KANSL1L: variants seen among roughly 807,000 people sequenced by gnomAD.
The protein encoded by KANSL1L is KAT8 regulatory NSL complex subunit 1 like, also known as KAT8 regulatory NSL complex subunit 1-like protein.
In KANSL1L, 25 loss-of-function variants were observed where a neutral mutation model predicts 108.6. The ratio of observed to expected loss-of-function variants is 0.23; its 90% confidence interval spans 0.17 to 0.32. The LOEUF (loss-of-function observed/expected upper bound fraction) is 0.32. Among genes scored for constraint, KANSL1L ranks in the 10% least tolerant of loss-of-function variants. KANSL1L has a pLI of 1.00. For synonymous variants in KANSL1L, 405 were observed against 395.1 expected (o/e 1.03, Z -0.30); for missense variants, 1,137 against 1,125.7 (o/e 1.01, Z -0.14).
chr2:210,159,464 C>G (rs1327435074), intron 1 of KANSL1L, among the ~76,000 whole-genome samples: 1 of 152,130 alleles, frequency 6.6e-6, no homozygotes, highest in African/African-American at 2.4e-5. Flanking sequence ...ACTATTGCCA[C>G]CTGACATTAT....
chr2:210,132,105 A>C (rs1320103965), intron 2 of KANSL1L, among the ~76,000 whole-genome samples: 1 of 152,182 alleles, frequency 6.6e-6, no homozygotes, highest in African/African-American at 2.4e-5. Flanking sequence ...CTTCCTAGAA[A>C]ACATGTTTTT....
chr2:210,071,355 C>T (rs1020038121), intron 6 of KANSL1L, among the ~76,000 whole-genome samples: 8 of 151,798 alleles, frequency 5.3e-5, no homozygotes, highest in African/African-American at 1.2e-4. Context: ...GCAACCTCCG[C>T]GTCTCAGGTT....
intron 2 of KANSL1L, among the ~76,000 whole-genome samples, chr2:210,134,010 G>T (rs1043445004): frequency 1.3e-5 from 2 of 151,902 alleles, no homozygotes; most frequent in Admixed American, 6.6e-5. Context: ...ATGTCATTTT[G>T]TCTCTGTTTT....
At chr2:210,097,604 TATTA>T (rs1330384489) in intron 5 of KANSL1L, among the ~76,000 whole-genome samples, 1 of 152,080 alleles carries the variant, frequency 6.6e-6, no homozygotes, top group Non-Finnish European at 1.5e-5. Flanking sequence ...TTATAGGAGT[TATTA>T]ATTATAGTAA....
At chr2:210,154,791 G>T (rs1178930876) in intron 1 of KANSL1L, among the ~76,000 whole-genome samples, 180 bp from the exon 2 acceptor site, 1 of 151,912 alleles carries the variant, frequency 6.6e-6, no homozygotes, top group African/African-American at 2.4e-5. Context: ...CCTCTGACTG[G>T]GGGCCTAATA....
At chr2:210,161,915 T>C (rs986866968) in intron 1 of KANSL1L, among the ~76,000 whole-genome samples, 1 of 151,662 alleles carries the variant, frequency 6.6e-6, no homozygotes, top group Non-Finnish European at 1.5e-5. Flanking sequence ...GGTACAAAGA[T>C]GGTGTATATA....
intron 1 of KANSL1L, among the ~76,000 whole-genome samples, chr2:210,167,646 C>G (rs1201866444): frequency 3.3e-5 from 5 of 151,914 alleles, no homozygotes; most frequent in Admixed American, 3.3e-4. Context: ...AAACAACACA[C>G]TTGAGAATTG....
Position 210,024,013 on chromosome 2 carries a change from AT to A in KANSL1L, c.2733+19del. 1.3e-6 allele frequency: 2 copies of A among 1,487,852 alleles called. No individual in the cohort carries two copies. The highest frequency in any genetic ancestry group is 1.8e-6 in the Non-Finnish European group (2 of 1,108,432). The allele number at this position is 1,487,852 out of a possible 1,614,324, so 92.2% of individuals were successfully genotyped here. On this transcript the variant is annotated intron_variant, in intron 14 of 14. Coordinates refer to ENST00000281772, the MANE Select transcript of KANSL1L (RefSeq NM_152519.4). ...TAAAAGTCAAGGAATGGGAAGTTTA[AT>A]CATACATATTACACTTACCTTGGTT...
intron 1 of KANSL1L, among the ~76,000 whole-genome samples, chr2:210,155,002 T>C (rs2095325210): frequency 2.0e-5 from 3 of 152,278 alleles, no homozygotes; most frequent in Admixed American, 1.3e-4. Context: ...AAAATAAGAA[T>C]TGCTTATCTT....
intron 2 of KANSL1L, among the ~76,000 whole-genome samples, chr2:210,145,679 G>A (rs575497742): frequency 1.3e-5 from 2 of 152,274 alleles, no homozygotes; most frequent in East Asian, 1.9e-4. Flanking sequence ...GAGTGGTCTA[G>A]TATATTGTGA....
intron 6 of KANSL1L, among the ~76,000 whole-genome samples, chr2:210,073,242 T>G (rs2094519671): frequency 6.6e-6 from 1 of 152,124 alleles, no homozygotes; most frequent in South Asian, 2.1e-4. Flanking sequence ...TCTCCAGAAA[T>G]CCCCGATTCC....
intron 14 of KANSL1L, 82 bp downstream of exon 14, chr2:210,023,950 AC>A: frequency 1.1e-6 from 1 of 940,488 alleles, no homozygotes; most frequent in Non-Finnish European, 1.5e-6. Flanking sequence ...GATGTAATAA[AC>A]TTAATTTTTT....
rs2094409805 is a variant in KANSL1L, at chr2:210,060,642, T to C, written c.1755+14910A>G. ...TTCTTCAGAGTAACAGTATCATTGG[T>C]AAACAGCTTACCAGAGATTAGCAGG... On this transcript the variant is annotated intron_variant, in intron 6 of 14. Coordinates refer to ENST00000281772, the MANE Select transcript of KANSL1L (RefSeq NM_152519.4). Among the ~76,000 whole-genome samples, 3 of 152,234 alleles carry C rather than the reference T, an allele frequency of 2.0e-5. No homozygotes were observed. In the South Asian group the frequency reaches 6.2e-4, roughly 32 times the overall value.
chr2:210,086,132 T>C (rs113337649), intron 5 of KANSL1L, among the ~76,000 whole-genome samples: 3 of 151,950 alleles, frequency 2.0e-5, no homozygotes. Context: ...TAAGAAAGGA[T>C]AGTTGCATGT....
At chr2:210,087,916 C>G (rs1455351181) in intron 5 of KANSL1L, among the ~76,000 whole-genome samples, 7 of 152,116 alleles carry the variant, frequency 4.6e-5, no homozygotes, top group Non-Finnish European at 5.9e-5. Flanking sequence ...TAAAAATTTT[C>G]TTCATAGCAC....
chr2:210,123,324 T>C (rs1405772940), intron 3 of KANSL1L, among the ~76,000 whole-genome samples: 1 of 152,086 alleles, frequency 6.6e-6, no homozygotes, highest in African/African-American at 2.4e-5. Flanking sequence ...GTTGTACATA[T>C]ACAAAATGGA....
intron 5 of KANSL1L, among the ~76,000 whole-genome samples, chr2:210,079,402 C>A (rs1371342879): frequency 6.6e-6 from 1 of 151,062 alleles, no homozygotes; most frequent in Non-Finnish European, 1.5e-5. Context: ...TCGAGACCAG[C>A]CTGGCCAACA....
At chr2:210,097,538 A>C (rs73063951) in intron 5 of KANSL1L, 2,953 of 154,390 alleles carry the variant, frequency 0.019, 81 homozygotes, top group African/African-American at 0.066. Flanking sequence ...GTTCCCAAAA[A>C]AGGACTAAGA....
intron 2 of KANSL1L, among the ~76,000 whole-genome samples, chr2:210,143,785 CT>C (rs2095246748): frequency 6.6e-6 from 1 of 152,110 alleles, no homozygotes; most frequent in Non-Finnish European, 1.5e-5. Context: ...CAATTTACAT[CT>C]TTTCATATTG....
Sources: allele counts gnomAD v4.1 joint callset (sites outside exome capture counted in the v4.1 genomes callset), GRCh38; gene constraint gnomAD v4.1.1; transcripts MANE v1.5; gene names NCBI Gene and HGNC (gene_info 2026-07-23, HGNC 2026-07-21).